LUZP2: variants seen among roughly 807,000 people sequenced by gnomAD.
The protein encoded by LUZP2 is leucine zipper protein 2.
Under a neutral mutation model 51.6 loss-of-function variants are expected in LUZP2, and 52 were observed. The ratio of observed to expected loss-of-function variants is 1.01; its 90% CI spans 0.81 to 1.27. The LOEUF (loss-of-function observed/expected upper bound fraction) is 1.27, where lower values mean the gene tolerates loss of function less well. LUZP2 is among the 50% of genes most tolerant of loss of function. The pLI is 0.00. For synonymous variants in LUZP2, 154 were observed against 137.3 expected (o/e 1.12, Z -0.85); for missense variants, 436 against 395.4 (o/e 1.10, Z -0.87).
intron 1 of LUZP2, among the ~76,000 whole-genome samples, chr11:24,724,508 T>C (rs1590402615): frequency 6.6e-6 from 1 of 151,928 alleles, no homozygotes; most frequent in South Asian, 2.1e-4. Context: ...GAAGCAGAGG[T>C]TGCAGTAAGC....
intron 9 of LUZP2, among the ~76,000 whole-genome samples, chr11:25,044,377 T>C (rs540935203): frequency 6.7e-6 from 1 of 150,372 alleles, no homozygotes; most frequent in East Asian, 2.0e-4. Context: ...TTCCCTAAAT[T>C]CAGTTATCAT....
intron 1 of LUZP2, among the ~76,000 whole-genome samples, chr11:24,707,828 G>C (rs143192458): frequency 0.052 from 7,903 of 152,208 alleles, 308 homozygotes; most frequent in Non-Finnish European, 0.078. Context: ...TCTCAGCAAG[G>C]CAAGGTACTT....
intron 9 of LUZP2, among the ~76,000 whole-genome samples, chr11:25,037,415 A>G (rs562479922): frequency 2.5e-4 from 38 of 152,080 alleles, no homozygotes; most frequent in South Asian, 1.0e-3. Flanking sequence ...CTAACCTGAC[A>G]CTCTGTATCT....
At chr11:24,982,986 A>C (rs1590801930) in intron 8 of LUZP2, 140 bp from the exon 9 acceptor site, 2 of 745,608 alleles carry the variant, frequency 2.7e-6, no homozygotes, top group South Asian at 2.0e-5. Context: ...GTCATAATGA[A>C]ATTTATAAAT....
At chr11:24,573,184 A>G (rs1437907471) in intron 1 of LUZP2, among the ~76,000 whole-genome samples, 2 of 152,028 alleles carry the variant, frequency 1.3e-5, no homozygotes, top group Non-Finnish European at 2.9e-5. Context: ...TAGGAATAAA[A>G]GAGCATTCAA....
At chr11:24,949,465 C>A (rs745593609) in intron 7 of LUZP2, among the ~76,000 whole-genome samples, 1 of 151,524 alleles carries the variant, frequency 6.6e-6, no homozygotes, top group Non-Finnish European at 1.5e-5. Context: ...GTAATTTAAG[C>A]AAGAAAATTT....
chr11:25,021,229 A>G (rs930318064), intron 9 of LUZP2, among the ~76,000 whole-genome samples: 1 of 151,950 alleles, frequency 6.6e-6, no homozygotes, highest in Non-Finnish European at 1.5e-5. Context: ...TTGATGGGCA[A>G]GCATTCTCTC....
intron 1 of LUZP2, among the ~76,000 whole-genome samples, chr11:24,544,643 A>T (rs973750589): frequency 2.0e-5 from 3 of 152,118 alleles, no homozygotes; most frequent in Non-Finnish European, 4.4e-5. Flanking sequence ...GTAGTATTCA[A>T]TGGTGTATAC....
intron 9 of LUZP2, among the ~76,000 whole-genome samples, chr11:25,003,935 G>A (rs1046300050): frequency 6.6e-6 from 1 of 152,198 alleles, no homozygotes; most frequent in Non-Finnish European, 1.5e-5. Flanking sequence ...AACTGAGGAG[G>A]TGGGAGAAAT....
intron 1 of LUZP2, among the ~76,000 whole-genome samples, chr11:24,569,204 A>T (rs1350729764): frequency 6.6e-6 from 1 of 152,096 alleles, no homozygotes; most frequent in African/African-American, 2.4e-5. Flanking sequence ...GGAAATCTGC[A>T]TTTGTATCTA....
intron 7 of LUZP2, among the ~76,000 whole-genome samples, chr11:24,922,545 C>A (rs1854091728): frequency 6.6e-6 from 1 of 152,144 alleles, no homozygotes; most frequent in Non-Finnish European, 1.5e-5. Flanking sequence ...TTTTCAGTGC[C>A]ATTTACTTCT....
intron 1 of LUZP2, among the ~76,000 whole-genome samples, chr11:24,728,796 A>T (rs1332951349): frequency 6.6e-6 from 1 of 151,992 alleles, no homozygotes; most frequent in African/African-American, 2.4e-5. Flanking sequence ...CACTGCTGAT[A>T]AAGGCATACC....
At chr11:24,690,854 G>A (rs527543283) in intron 1 of LUZP2, among the ~76,000 whole-genome samples, 22 of 151,984 alleles carry the variant, frequency 1.4e-4, no homozygotes, top group Non-Finnish European at 2.9e-4. Context: ...TAGTGGGAGA[G>A]AAATAATTTT....
intron 1 of LUZP2, among the ~76,000 whole-genome samples, chr11:24,708,778 G>A (rs1033969215): frequency 2.6e-5 from 4 of 152,144 alleles, no homozygotes; most frequent in Admixed American, 2.0e-4. Context: ...ATGAATAACA[G>A]TGCTCTAGAG....
intron 4 of LUZP2, among the ~76,000 whole-genome samples, chr11:24,758,115 C>A (rs555542491): frequency 2.6e-5 from 4 of 151,978 alleles, no homozygotes; most frequent in Admixed American, 6.6e-5. Context: ...AACTTATAGG[C>A]ATATTTCATT....
intron 5 of LUZP2, among the ~76,000 whole-genome samples, chr11:24,847,075 T>A (rs1851225500): frequency 6.6e-6 from 1 of 151,806 alleles, no homozygotes; most frequent in South Asian, 2.1e-4. Context: ...TTATTACTTC[T>A]TTTTCTCAGT....
chr11:25,023,334 T>A (rs995530932), intron 9 of LUZP2, among the ~76,000 whole-genome samples: 6 of 152,172 alleles, frequency 3.9e-5, no homozygotes, highest in African/African-American at 1.4e-4. Flanking sequence ...GTTATTGGTC[T>A]ATTCGGGGAT....
At chr11:24,901,594 C>T (rs1440163642) in intron 5 of LUZP2, among the ~76,000 whole-genome samples, 2 of 152,162 alleles carry the variant, frequency 1.3e-5, no homozygotes, top group Non-Finnish European at 2.9e-5. Flanking sequence ...GTTCGCTCTT[C>T]AAATGGGCCT....
chr11:25,056,156 A>G (rs1451479813), intron 10 of LUZP2, among the ~76,000 whole-genome samples: 2 of 152,224 alleles, frequency 1.3e-5, no homozygotes, highest in East Asian at 1.9e-4. Context: ...GCTACTTTAC[A>G]CAGCAGAACC....
Sources: gnomAD v4.1 joint callset for allele counts (sites outside exome capture counted in the v4.1 genomes callset) on GRCh38, gnomAD v4.1.1 for gene constraint, MANE v1.5 for transcripts, NCBI Gene and HGNC (gene_info 2026-07-23, HGNC 2026-07-21) for gene names.